The following MCM4 variants were observed in gnomAD, a reference collection of about 807,000 sequenced individuals.
MCM4 encodes minichromosome maintenance complex component 4.
In MCM4, 60 loss-of-function variants were observed where a neutral mutation model predicts 88.7. That is an observed-to-expected ratio of 0.68 (90% CI 0.55 to 0.84). The LOEUF (loss-of-function observed/expected upper bound fraction) is 0.84, where lower values mean the gene tolerates loss of function less well. MCM4 is among the 40% of genes least tolerant of loss of function. The pLI, the probability that MCM4 is intolerant of heterozygous loss-of-function variation, is 0.00. For missense variants in MCM4, 1,149 were observed against 1,105.5 expected (o/e 1.04, Z -0.56); for synonymous variants, 465 against 410.5 (o/e 1.13, Z -1.61).
chr8:47,969,641 T>C, intron 10 of MCM4, 157 bp from the exon 11 acceptor site: 1 of 656,024 alleles, frequency 1.5e-6, no homozygotes, highest in Non-Finnish European at 2.6e-6. Flanking sequence ...GTCCTGGGCT[T>C]GGGAGGGTCA....
chr8:47,975,573 T>C (rs2090994133), intron 15 of MCM4, 142 bp from the exon 16 acceptor site: 1 of 534,392 alleles, frequency 1.9e-6, no homozygotes, highest in Non-Finnish European at 3.0e-6. Flanking sequence ...TCCAAATAAT[T>C]AAAAACTCAT....
chr8:47,971,256 G>T, intron 12 of MCM4, 85 bp from the exon 13 acceptor site: 3 of 1,529,808 alleles, frequency 2.0e-6, no homozygotes, highest in Non-Finnish European at 1.8e-6. Context: ...GGGAATATGG[G>T]TTTAGTAGGT....
In MCM4 at chr8:47,964,611, T is replaced by C. The variant is rs757733380; in HGVS notation, c.731T>C (p.Ile244Thr). 5 of 1,600,420 alleles carry C rather than the reference T, an allele frequency of 3.1e-6. No individual in the cohort carries two copies. In the South Asian group the frequency reaches 5.7e-5, roughly 18 times the overall value. The change falls in exon 8 of 17, where the codon ATC becomes ACC. Residue 244 changes from isoleucine to threonine, a missense_variant. Physicochemically the swap from Ile to Thr is moderately conservative, Grantham distance 89. Coordinates refer to ENST00000649973, the MANE Select transcript of MCM4 (RefSeq NM_182746.3). The stretch of plus-strand genomic sequence containing the variant: ...ACTTTTGACATGGCTGTCAATGAAA[T>C]CTTCTTTGACCGTTACCCTGACTCA... ...IPTFDMAVNE[I>T]FFDRYPDSIL...
At chr8:47,969,538 A>G (rs543454474) in intron 10 of MCM4, 7 of 491,676 alleles carry the variant, frequency 1.4e-5, no homozygotes, top group Non-Finnish European at 2.6e-5. Flanking sequence ...GATTACAGAC[A>G]TGAGCCACCT....
rs1168968691 is a variant in MCM4 at position 47,970,685 on chromosome 8, G to C, written c.1609G>C (p.Gly537Arg). 3 of 1,614,176 alleles carry C rather than the reference G, an allele frequency of 1.9e-6. No homozygotes were observed. Among genetic ancestry groups the C allele is most frequent in the Admixed American group, 3.3e-5 (2 of 60,014 alleles). ...CAGGGGCCAGTACACGTCTGGGAAG[G>C]GCTCCAGTGCAGTTGGCCTCACTGC... is the stretch of plus-strand genomic sequence containing the variant. ...VPRGQYTSGKGSSAVGLTAYV... is the reference protein window; with the variant it reads ...VPRGQYTSGKRSSAVGLTAYV... Residue 537 changes from glycine (G) to arginine (R), a missense_variant, in exon 12 of 17, where the codon GGC becomes CGC. Gly to Arg is a moderately radical substitution (Grantham distance 125, BLOSUM62 -2). Coordinates refer to ENST00000649973, the MANE Select transcript of MCM4 (RefSeq NM_182746.3).
Position 47,966,359 on chromosome 8 carries a change from C to T in MCM4, c.1005C>T (p.His335=). Residue 335 remains histidine (H), a synonymous_variant, in exon 9 of 17, where the codon CAC becomes CAT. Transcript: ENST00000649973. ...TGTGCGGGCGCTGCCACACCACCCA[C>T]AGCATGGCACTCATCCACAACCGCT... ...PSVCGRCHTT[H]SMALIHNRSL... The T allele has an allele frequency of 6.2e-7, 1 of 1,613,894 alleles. No homozygotes were observed. Among genetic ancestry groups the T allele is most frequent in the Non-Finnish European group, 8.5e-7 (1 of 1,179,930 alleles).
intron 1 of MCM4, 47 bp from the exon 2 acceptor site, chr8:47,961,083 AG>A: frequency 6.7e-7 from 1 of 1,487,420 alleles, no homozygotes; most frequent in South Asian, 1.2e-5. Flanking sequence ...GGAGCAGGGC[AG>A]GGAAGCCGGG....
Position 47,962,928 on chromosome 8 carries a change from T to A in MCM4, c.598-17T>A. On this transcript the variant is annotated splice_polypyrimidine_tract_variant and intron_variant, in intron 6 of 16. Coordinates refer to ENST00000649973, the MANE Select transcript of MCM4 (RefSeq NM_182746.3). Reference sequence around the variant, plus strand: ...GTTAAATTAGCAAAATATAACTTGTTCATTTTTATTTTCTAGATTAATGTT... The same window carrying A: ...GTTAAATTAGCAAAATATAACTTGTACATTTTTATTTTCTAGATTAATGTT... 6.4e-7 allele frequency: 1 copy of A among 1,573,646 alleles called. No homozygotes were observed. The highest frequency in any genetic ancestry group is 8.6e-7 in the Non-Finnish European group (1 of 1,156,442).
chr8:47,971,562 C>T (rs1218601189), intron 13 of MCM4, 94 bp downstream of exon 13: 27 of 1,271,772 alleles, frequency 2.1e-5, no homozygotes, highest in African/African-American at 3.0e-5. Flanking sequence ...CTAATGGAAA[C>T]TCTTCACTCT....
chr8:47,962,741 TAC>T (rs776417521), intron 5 of MCM4, 21 bp from the exon 6 acceptor site: 1 of 1,459,832 alleles, frequency 6.9e-7, no homozygotes, highest in Non-Finnish European at 9.5e-7. Flanking sequence ...ATATGCCTAA[TAC>T]AGTTTTCTCT....
chr8:47,977,363 T>A lies in MCM4; in HGVS notation c.*585T>A, dbSNP rs1381356559. On this transcript the variant is annotated 3_prime_UTR_variant, in exon 17 of 17. Coordinates refer to ENST00000649973, the MANE Select transcript of MCM4 (RefSeq NM_182746.3). ...GTATAGCAGCAGGGCTTTTACTCTG[T>A]GTATGCACAGATGCAGTCTGGGGCA... is the stretch of plus-strand genomic sequence containing the variant. The A allele has an allele frequency of 6.6e-6, 1 of 152,402 alleles. No homozygotes were observed. 9.4% of individuals were successfully genotyped at this position (152,402 alleles called of 1,614,324 possible).
At chr8:47,962,482 G>A (rs1437050889) in intron 5 of MCM4, 76 bp downstream of exon 5, 4 of 1,462,606 alleles carry the variant, frequency 2.7e-6, no homozygotes, top group Non-Finnish European at 3.8e-6. Context: ...CTATATCTAA[G>A]TAGCCATAAT....
At chr8:47,967,543 G>A in intron 10 of MCM4, 58 bp downstream of exon 10, 1 of 1,605,814 alleles carries the variant, frequency 6.2e-7, no homozygotes, top group South Asian at 1.1e-5. Flanking sequence ...TCAATGCTGT[G>A]CTTTAGTGAG....
chr8:47,965,914 A>G (rs1431967877), intron 8 of MCM4, among the ~76,000 whole-genome samples: 3 of 152,138 alleles, frequency 2.0e-5, no homozygotes, highest in Non-Finnish European at 4.4e-5. Context: ...AGGGTGTCAT[A>G]CAGGAGGCCA....
chr8:47,972,376 T>C (rs1272096525), intron 13 of MCM4, among the ~76,000 whole-genome samples: 1 of 151,266 alleles, frequency 6.6e-6, no homozygotes, highest in African/African-American at 2.4e-5. Context: ...ACAGGGTGAG[T>C]GGGGTGAGTG....
At chr8:47,967,083 G>A (rs1203468700) in intron 9 of MCM4, among the ~76,000 whole-genome samples, 1 of 152,156 alleles carries the variant, frequency 6.6e-6, no homozygotes, top group Non-Finnish European at 1.5e-5. Context: ...CCTCTCAGAG[G>A]GTACCTGGTT....
intron 12 of MCM4, 144 bp downstream of exon 12, chr8:47,971,020 A>C: frequency 9.7e-7 from 1 of 1,034,074 alleles, no homozygotes; most frequent in South Asian, 1.7e-5. Context: ...TTTCAGCTAA[A>C]TCTCAACATG....
Position 47,971,300 on chromosome 8 carries a change from C to T in MCM4, c.1801-41C>T, listed in dbSNP as rs760164721. On this transcript the variant is annotated intron_variant, in intron 12 of 16. Coordinates refer to ENST00000649973, the MANE Select transcript of MCM4 (RefSeq NM_182746.3). ...GAAGACGGTGCTTGTTAATTGCCAG[C>T]GTCAGGGAGAGGCTTCTAACTGCAC... 18 of 1,610,468 alleles carry T rather than the reference C, an allele frequency of 1.1e-5. No homozygotes were observed. In the Admixed American group the frequency reaches 2.3e-4, roughly 21 times the overall value.
At chr8:47,964,797 A>T in intron 8 of MCM4, 85 bp downstream of exon 8, 1 of 1,192,296 alleles carries the variant, frequency 8.4e-7, no homozygotes, top group Non-Finnish European at 1.2e-6. Context: ...AAATTATGAA[A>T]GAAGTAATTG....
Sources: allele counts gnomAD v4.1 joint callset (sites outside exome capture counted in the v4.1 genomes callset), GRCh38; gene constraint gnomAD v4.1.1; transcripts MANE v1.5; gene names NCBI Gene and HGNC (gene_info 2026-07-23, HGNC 2026-07-21).